NIPAL3: variants seen among roughly 807,000 people sequenced by gnomAD.
NIPAL3 encodes NIPA-like protein 3.
In NIPAL3, 41 loss-of-function variants were observed where a neutral mutation model predicts 47.2. That is an observed-to-expected ratio of 0.87 (90% confidence interval 0.68 to 1.13). The LOEUF (loss-of-function observed/expected upper bound fraction) is 1.13. Among genes scored for constraint, NIPAL3 ranks in the 50% most tolerant of loss-of-function variants. The pLI is 0.00. For missense variants in NIPAL3, 449 were observed against 530.1 expected, an observed-to-expected ratio of 0.85 and a Z score of 1.50; for synonymous variants, 194 against 209.6, an observed-to-expected ratio of 0.93 and a Z score of 0.64.
downstream of NIPAL3, chr1:24,472,982 G>A (rs961573960): frequency 4.6e-5 from 7 of 151,938 alleles, no homozygotes; most frequent in Non-Finnish European, 1.0e-4. Context: ...AGTGACAGCT[G>A]AGTTCGTGTC....
intron 11 of NIPAL3, chr1:24,466,366 C>T (rs1214794814): frequency 1.3e-5 from 3 of 232,656 alleles, no homozygotes; most frequent in East Asian, 8.5e-5. Flanking sequence ...CCTGACTAAA[C>T]ATAGACAAAA....
At chr1:24,436,006 G>A (rs960838379) in intron 2 of NIPAL3, among the ~76,000 whole-genome samples, 1 of 152,198 alleles carries the variant, frequency 6.6e-6, no homozygotes, top group Non-Finnish European at 1.5e-5. Flanking sequence ...GATGGAAGGG[G>A]CGAGCAGCCT....
rs1161631401 is a variant in NIPAL3 at position 24,464,105 on chromosome 1, A to G, written c.1006A>G (p.Met336Val). 3.1e-6 allele frequency: 5 copies of G among 1,613,116 alleles called. No individual in the cohort carries two copies. Among genetic ancestry groups the G allele is most frequent in the South Asian group, 1.1e-5 (1 of 90,968 alleles). The change falls in exon 11 of 12, where the codon ATG becomes GTG. Residue 336 changes from methionine (M) to valine (V), a missense_variant. Physicochemically the swap from Met to Val is conservative, Grantham distance 21 (BLOSUM62 1). Transcript: ENST00000374399. ...KPIPFEPYIS[M>V]DAMPGMQNMH... ...CATTCCATTTGAGCCCTATATTTCC[A>G]TGGATGCCATGCCAGGTAAGGTTAA... is the stretch of plus-strand genomic sequence containing the variant.
intron 2 of NIPAL3, among the ~76,000 whole-genome samples, chr1:24,428,304 C>G (rs79820975): frequency 0.23 from 22,596 of 98,596 alleles, 2,323 homozygotes; most frequent in East Asian, 0.4. Context: ...GAGAGAGAGA[C>G]ACCAGAACCT....
intron 2 of NIPAL3, among the ~76,000 whole-genome samples, chr1:24,433,371 G>A (rs942538192): frequency 1.3e-5 from 2 of 152,196 alleles, no homozygotes; most frequent in Non-Finnish European, 1.5e-5. Flanking sequence ...GGCCACAAAT[G>A]GGTTGAGGGG....
At chr1:24,427,043 AC>A (rs1360177191) in intron 2 of NIPAL3, among the ~76,000 whole-genome samples, 6 of 152,124 alleles carry the variant, frequency 3.9e-5, no homozygotes, top group Admixed American at 6.5e-5. Flanking sequence ...CCCTAAAATA[AC>A]CCCAGTGAAG....
chr1:24,459,444 A>G (rs1646369634), intron 9 of NIPAL3, among the ~76,000 whole-genome samples: 1 of 151,882 alleles, frequency 6.6e-6, no homozygotes. Flanking sequence ...CTTTTCCTCT[A>G]TTTCACCTCT....
intron 2 of NIPAL3, chr1:24,433,310 A>G (rs1644958997): frequency 6.6e-6 from 1 of 152,224 alleles, no homozygotes; most frequent in South Asian, 2.1e-4. Flanking sequence ...ATGTCCTCTT[A>G]GTTTCCACAA....
intron 2 of NIPAL3, among the ~76,000 whole-genome samples, chr1:24,432,452 A>G (rs772174335): frequency 2.0e-5 from 3 of 152,182 alleles, no homozygotes; most frequent in Non-Finnish European, 4.4e-5. Flanking sequence ...TAGTGTCTGT[A>G]TTCTGCACTA....
At position 24,416,409 on chromosome 1, in the gene NIPAL3, A is replaced by C; in HGVS notation, c.-258+505A>C. On this transcript the variant is annotated intron_variant, in intron 1 of 11. Coordinates refer to ENST00000374399, the MANE Select transcript of NIPAL3 (RefSeq NM_020448.5). This position sits in a 1 kb window ranked among gnomAD's most constrained non-coding sequence, Gnocchi z 4.8. ...ACTGGCGCTCACCTCCAGAAGCCAGATCGTCGGGTGGTGGGAAAGAGCGTG... is the reference window on the plus strand; with the variant it reads ...ACTGGCGCTCACCTCCAGAAGCCAGCTCGTCGGGTGGTGGGAAAGAGCGTG... 4 of 869,704 alleles carry C rather than the reference A, an allele frequency of 4.6e-6. No homozygotes were observed. The highest frequency in any genetic ancestry group is 5.5e-6 in the Non-Finnish European group (4 of 724,190). The allele number at this position is 869,704 out of a possible 1,614,324, so 53.9% of individuals were successfully genotyped here. A position where few individuals can be genotyped will look rare whatever the true frequency, so the allele number is the denominator to read the frequency against.
At position 24,416,033 on chromosome 1, in the gene NIPAL3, A is replaced by G; in HGVS notation, c.-258+129A>G. On this transcript the variant is annotated intron_variant, in intron 1 of 11. Transcript: ENST00000374399. The surrounding 1 kb of genome is among the most constrained non-coding windows in gnomAD (Gnocchi z 4.8). ...CTTCTTACTGTCACCAGCCTCGCCA[A>G]CCTGGGTCCCGTTGCCTTGGAATGT... 2.0e-6 allele frequency: 2 copies of G among 985,542 alleles called. No homozygotes were observed. The highest frequency in any genetic ancestry group is 4.7e-5 in the South Asian group (1 of 21,286). The allele number at this position is 985,542 out of a possible 1,614,324, so 61.0% of individuals were successfully genotyped here.
At position 24,419,614 on chromosome 1, in the gene NIPAL3, G is replaced by A. The variant is rs765763781; in HGVS notation, c.67G>A (p.Val23Ile). ...QLPPTSSSSA[V>I]SEASFSYKEN... ...GCCTCCCACAAGTAGCTCCAGCGCCGTAAGCGAGGCCTCCTTCTCCTACAA... is the reference window on the plus strand; with the variant it reads ...GCCTCCCACAAGTAGCTCCAGCGCCATAAGCGAGGCCTCCTTCTCCTACAA... Residue 23 changes from valine to isoleucine, a missense_variant, in exon 2 of 12, where the codon GTA (valine) becomes ATA (isoleucine). Transcript: ENST00000374399. 18 of 1,614,018 alleles carry A rather than the reference G, an allele frequency of 1.1e-5. No homozygotes were observed. Among genetic ancestry groups the A allele is most frequent in the Middle Eastern group, 1.6e-4 (1 of 6,062 alleles).
intron 8 of NIPAL3, among the ~76,000 whole-genome samples, chr1:24,458,164 C>T (rs1646310505): frequency 6.6e-6 from 1 of 152,204 alleles, no homozygotes; most frequent in Admixed American, 6.5e-5. Flanking sequence ...CAGTGGCTCA[C>T]ACCTGTAATC....
intron 8 of NIPAL3, among the ~76,000 whole-genome samples, chr1:24,457,056 C>T (rs1040628214): frequency 1.1e-4 from 17 of 152,204 alleles, no homozygotes; most frequent in Non-Finnish European, 2.5e-4. Context: ...GCCACAACAC[C>T]TGGCCAGAAT....
intron 2 of NIPAL3, among the ~76,000 whole-genome samples, chr1:24,437,500 G>A (rs1645178681): frequency 6.6e-6 from 1 of 152,178 alleles, no homozygotes; most frequent in Admixed American, 6.5e-5. Context: ...TTTCCACAAA[G>A]TGCTGATTCT....
rs780304529 is a variant in NIPAL3, at chr1:24,469,154, A to C, written c.1190A>C (p.Tyr397Ser). Residue 397 changes from tyrosine to serine, a missense_variant, in exon 12 of 12, where the codon TAC becomes TCC. By Grantham distance (144) the Tyr-to-Ser change is moderately radical. Coordinates refer to ENST00000374399, the MANE Select transcript of NIPAL3 (RefSeq NM_020448.5). ...TCCAGAAGTGCCTCTGGGGTCCCCT[A>C]CCGAGTCCTAGAGCACACCAAGAAG... ...HGSRSASGVP[Y>S]RVLEHTKKE 4 of 1,613,998 alleles carry C rather than the reference A, an allele frequency of 2.5e-6. No individual in the cohort carries two copies. In the Admixed American group the frequency reaches 6.7e-5, roughly 27 times the overall value.
intron 10 of NIPAL3, among the ~76,000 whole-genome samples, chr1:24,463,335 G>C (rs1646560804): frequency 6.6e-6 from 1 of 152,194 alleles, no homozygotes; most frequent in Non-Finnish European, 1.5e-5. Context: ...GAGAAGTCAA[G>C]ATAGTAGTTA....
At position 24,422,094 on chromosome 1, in the gene NIPAL3, A is replaced by C. The variant is rs559844843; in HGVS notation, c.93+2454A>C. On this transcript the variant is annotated intron_variant, in intron 2 of 11. Coordinates refer to ENST00000374399, the MANE Select transcript of NIPAL3 (RefSeq NM_020448.5). ...TGGAAATTATGAACATTTGTCTGGAATTAGACTCATTCTAGAGCGAAGATT... is the reference window on the plus strand; with the variant it reads ...TGGAAATTATGAACATTTGTCTGGACTTAGACTCATTCTAGAGCGAAGATT... 3.3e-5 allele frequency: 5 copies of C among 152,322 alleles called. No homozygotes were observed. In the South Asian group the frequency reaches 1.0e-3, roughly 32 times the overall value. 9.4% of individuals were successfully genotyped at this position (152,322 alleles called of 1,614,324 possible).
intron 2 of NIPAL3, among the ~76,000 whole-genome samples, chr1:24,423,032 A>C (rs976052928): frequency 6.6e-6 from 1 of 152,008 alleles, no homozygotes; most frequent in African/African-American, 2.4e-5. Context: ...CCTGCTAGTC[A>C]CTCCCCTCCC....
Sources: gnomAD v4.1 joint callset for allele counts (sites outside exome capture counted in the v4.1 genomes callset) on GRCh38, gnomAD v4.1.1 for gene constraint, Gnocchi (gnomAD v3.1) non-coding constraint, MANE v1.5 for transcripts, NCBI Gene and HGNC (gene_info 2026-07-23, HGNC 2026-07-21) for gene names.